CLEC2B: variants seen among roughly 807,000 people sequenced by gnomAD.
CLEC2B encodes C-type lectin domain family 2 member B.
A neutral mutation model predicts 16.2 loss-of-function variants in CLEC2B; 14 were observed. The observed-to-expected ratio is 0.86, with a 90% CI of 0.57 to 1.35. The LOEUF (loss-of-function observed/expected upper bound fraction) is 1.35, where lower values mean the gene tolerates loss of function less well. Ranked by LOEUF, CLEC2B falls within the 40% of genes most tolerant of loss-of-function variation. The pLI, the probability that CLEC2B is intolerant of heterozygous loss-of-function variation, is 0.00. For missense variants in CLEC2B, 166 were observed against 182.3 expected (o/e 0.91, Z 0.52); for synonymous variants, 42 against 55.8 (o/e 0.75, Z 1.10).
At chr12:9,863,432 G>T (rs1368471060) in intron 1 of CLEC2B, among the ~76,000 whole-genome samples, 3 of 152,092 alleles carry the variant, frequency 2.0e-5, no homozygotes, top group African/African-American at 7.2e-5. Flanking sequence ...AGGGAACTGC[G>T]ATACCCCTAA....
At chr12:9,864,104 A>G (rs1228356749) in intron 1 of CLEC2B, among the ~76,000 whole-genome samples, 1 of 151,806 alleles carries the variant, frequency 6.6e-6, no homozygotes, top group Non-Finnish European at 1.5e-5. Context: ...ATCTGATGAT[A>G]GACGTCTCAG....
At chr12:9,857,729 AG>A (rs1867905491) in intron 2 of CLEC2B, 92 bp from the exon 3 acceptor site, 1 of 991,172 alleles carries the variant, frequency 1.0e-6, no homozygotes, top group Non-Finnish European at 1.5e-6. Flanking sequence ...TTGATGTAAA[AG>A]ATTATGGTCA....
Position 9,854,451 on chromosome 12 carries a change from G to C in CLEC2B, c.271C>G (p.His91Asp), listed in dbSNP as rs1353900948. The change falls in exon 4 of 5, where the codon CAC becomes GAC. Residue 91 changes from histidine (H) to aspartate (D), a missense_variant. By Grantham distance (81) the His-to-Asp change is moderately conservative (BLOSUM62 -1). Coordinates refer to ENST00000228438, the MANE Select transcript of CLEC2B (RefSeq NM_005127.3). ...FLRRYKCSSD[H>D]WIGLKMAKNR... Reference sequence around the variant, plus strand: ...TTTGCCATCTTCAGTCCAATCCAGTGATCAGAACTGCATTTATACCGCCTA... The same window carrying C: ...TTTGCCATCTTCAGTCCAATCCAGTCATCAGAACTGCATTTATACCGCCTA... 7.4e-6 allele frequency: 12 copies of C among 1,613,172 alleles called. No homozygotes were observed. Among genetic ancestry groups the C allele is most frequent in the Non-Finnish European group, 1.0e-5 (12 of 1,179,230 alleles).
chr12:9,861,979 A>C (rs545586625), intron 2 of CLEC2B, among the ~76,000 whole-genome samples: 1 of 152,088 alleles, frequency 6.6e-6, no homozygotes, highest in African/African-American at 2.4e-5. Flanking sequence ...AATATTTACT[A>C]TCTGGGTCTT....
At chr12:9,861,305 T>C (rs1175365109) in intron 2 of CLEC2B, among the ~76,000 whole-genome samples, 1 of 151,860 alleles carries the variant, frequency 6.6e-6, no homozygotes, top group Admixed American at 6.6e-5. Context: ...TACACCTAAA[T>C]AAACAACAAT....
At chr12:9,853,720 T>C (rs1867870700) in intron 4 of CLEC2B, among the ~76,000 whole-genome samples, 1 of 152,166 alleles carries the variant, frequency 6.6e-6, no homozygotes, top group South Asian at 2.1e-4. Flanking sequence ...TTGGATTTTT[T>C]TTATTGTCTC....
intron 3 of CLEC2B, 35 bp from the exon 4 acceptor site, chr12:9,854,519 G>A: frequency 7.1e-7 from 1 of 1,404,996 alleles, no homozygotes. Flanking sequence ...AATCATACAT[G>A]CCAATTTTTA....
chr12:9,861,911 G>A (rs1005195360), intron 2 of CLEC2B, among the ~76,000 whole-genome samples: 2 of 152,044 alleles, frequency 1.3e-5, no homozygotes, highest in Non-Finnish European at 2.9e-5. Flanking sequence ...TTCTATGACT[G>A]TGTTTCTATG....
chr12:9,863,468 G>A (rs1419376168), intron 1 of CLEC2B, among the ~76,000 whole-genome samples: 5 of 152,136 alleles, frequency 3.3e-5, no homozygotes, highest in African/African-American at 1.2e-4. Context: ...ATCAGAGACA[G>A]ATCTTAATGA....
intron 1 of CLEC2B, among the ~76,000 whole-genome samples, chr12:9,868,417 A>AT (rs1177308121): frequency 1.3e-5 from 2 of 151,966 alleles, no homozygotes; most frequent in African/African-American, 4.8e-5. Context: ...CACAGCAATA[A>AT]TTTTTTTGAC....
chr12:9,863,119 C>T (rs77802328), intron 1 of CLEC2B, among the ~76,000 whole-genome samples: 1 of 152,090 alleles, frequency 6.6e-6, no homozygotes, highest in Non-Finnish European at 1.5e-5. Context: ...TTGCACAGGT[C>T]CCCTGGGCTG....
In CLEC2B at chr12:9,862,622, A is replaced by T. The variant is rs773764162; in HGVS notation, c.-2-49T>A. 3.0e-6 allele frequency: 4 copies of T among 1,347,898 alleles called. No individual in the cohort carries two copies. In the South Asian group the frequency reaches 5.9e-5, roughly 20 times the overall value. 83.5% of individuals were successfully genotyped at this position (1,347,898 alleles called of 1,614,324 possible). A position where few individuals can be genotyped will look rare whatever the true frequency, so the allele number is the denominator to read the frequency against. ...TTAGGAGACTTCTGGCTCCAAAATG[A>T]TGGCATAAAAGTAAGTTGGCTTTAA... On this transcript the variant is annotated intron_variant, in intron 1 of 4. Coordinates refer to ENST00000228438, the MANE Select transcript of CLEC2B (RefSeq NM_005127.3).
intron 1 of CLEC2B, among the ~76,000 whole-genome samples, chr12:9,868,899 A>G (rs546085898): frequency 1.3e-5 from 2 of 152,240 alleles, no homozygotes; most frequent in Non-Finnish European, 2.9e-5. Flanking sequence ...CTGTATGAGT[A>G]TCTGGATCAT....
At chr12:9,867,179 A>G (rs983676229) in intron 1 of CLEC2B, 1 of 152,206 alleles carries the variant, frequency 6.6e-6, no homozygotes, top group Non-Finnish European at 1.5e-5. Flanking sequence ...GGAGACCATT[A>G]TAACACTTTG....
chr12:9,861,907 G>A (rs1290671492), intron 2 of CLEC2B, among the ~76,000 whole-genome samples: 1 of 152,024 alleles, frequency 6.6e-6, no homozygotes, highest in Non-Finnish European at 1.5e-5. Context: ...CATTTTCTAT[G>A]ACTGTGTTTC....
chr12:9,855,850 G>A (rs1431823308), intron 3 of CLEC2B, among the ~76,000 whole-genome samples: 1 of 152,010 alleles, frequency 6.6e-6, no homozygotes. Flanking sequence ...ATATTATTTT[G>A]TAATTAAAAT....
intron 4 of CLEC2B, among the ~76,000 whole-genome samples, chr12:9,854,157 T>C (rs764396841): frequency 1.1e-4 from 16 of 152,034 alleles, no homozygotes; most frequent in Admixed American, 2.6e-4. Context: ...GAATCTCAGG[T>C]CTTTATTTTC....
At chr12:9,853,548 T>G in intron 4 of CLEC2B, 140 bp from the exon 5 acceptor site, 5 of 647,868 alleles carry the variant, frequency 7.7e-6, no homozygotes, top group Non-Finnish European at 1.1e-5. Flanking sequence ...TTGAGATACC[T>G]ATACCAATTT....
chr12:9,862,721 G>GAGA (rs148291947), intron 1 of CLEC2B, 148 bp from the exon 2 acceptor site: 11,228 of 682,930 alleles, frequency 0.016, 148 homozygotes, highest in Middle Eastern at 0.045. Flanking sequence ...ATTCAAATAT[G>GAGA]AGAAGAAGAC....
Sources: allele counts gnomAD v4.1 joint callset (sites outside exome capture counted in the v4.1 genomes callset), GRCh38; gene constraint gnomAD v4.1.1; transcripts MANE v1.5; gene names NCBI Gene and HGNC (gene_info 2026-07-23, HGNC 2026-07-21).